Variants in TBL1X observed in about 807,000 individuals in gnomAD.
TBL1X encodes the protein transducin beta like 1 X-linked, also known as F-box-like/WD repeat-containing protein TBL1X.
TBL1X carries 10 observed loss-of-function variants against 50.7 expected under a neutral mutation model. The observed-to-expected ratio is 0.20, with a 90% CI of 0.12 to 0.33. The LOEUF (loss-of-function observed/expected upper bound fraction) is 0.33, where lower values mean the gene tolerates loss of function less well. Among genes scored for constraint, TBL1X ranks in the 10% least tolerant of loss-of-function variants. TBL1X has a pLI of 1.00. For missense variants in TBL1X, 340 were observed against 504.4 expected (o/e 0.67, Z 3.12); for synonymous variants, 190 against 214.7 (o/e 0.88, Z 1.01).
chrX:9,691,482 A>T, intron 7 of TBL1X, 97 bp from the exon 8 acceptor site: 2 of 818,952 alleles, frequency 2.4e-6, no homozygotes, highest in African/African-American at 2.1e-5. Flanking sequence ...GGTAGTATTT[A>T]GTACATAAAA....
chrX:9,633,405 A>G (rs2082730847), intron 2 of TBL1X, among the ~76,000 whole-genome samples: 1 of 111,585 alleles, frequency 9.0e-6, no homozygotes, highest in Non-Finnish European at 1.9e-5. Context: ...TTTAAAAAGA[A>G]AAAAAGATGA....
At chrX:9,579,425 C>T (rs1485855743) in intron 2 of TBL1X, among the ~76,000 whole-genome samples, 4 of 112,001 alleles carry the variant, frequency 3.6e-5, no homozygotes, top group African/African-American at 1.3e-4. Context: ...GTATCAGTGC[C>T]TTACTGATAG....
chrX:9,707,775 C>A, intron 13 of TBL1X, among the ~76,000 whole-genome samples: 1 of 112,017 alleles, frequency 8.9e-6, no homozygotes, highest in Non-Finnish European at 1.9e-5. Flanking sequence ...CAACCCTCAG[C>A]CCCCTCTCCA....
At position 9,540,551 on chromosome X, in the gene TBL1X, G is replaced by A. The variant is rs773059092; in HGVS notation, c.-131+38702G>A. Reference sequence around the variant, plus strand: ...CAAGGGAAGTTAAATTAAAAACTGTGCTTGTTAGCGCGGAGCTGGGACAAC... The same window carrying A: ...CAAGGGAAGTTAAATTAAAAACTGTACTTGTTAGCGCGGAGCTGGGACAAC... On this transcript the variant is annotated intron_variant, in intron 2 of 17. Transcript: ENST00000645353. Among the ~76,000 whole-genome samples the A allele has an allele frequency of 1.2e-4, 14 of 112,700 alleles. No individual in the cohort carries two copies. In the South Asian group the frequency reaches 5.1e-3, roughly 41 times the overall value.
chrX:9,590,832 G>T (rs2082495959), intron 2 of TBL1X, among the ~76,000 whole-genome samples: 1 of 110,797 alleles, frequency 9.0e-6, no homozygotes, highest in Non-Finnish European at 1.9e-5. Flanking sequence ...CTTGAGACTT[G>T]CCATGAGTCT....
At chrX:9,536,633 A>C (rs922925749) in intron 2 of TBL1X, among the ~76,000 whole-genome samples, 6 of 111,594 alleles carry the variant, frequency 5.4e-5, no homozygotes, top group Non-Finnish European at 9.4e-5. Flanking sequence ...TGTCTTGCAC[A>C]GGTAATAATT....
intron 5 of TBL1X, among the ~76,000 whole-genome samples, chrX:9,659,597 C>A (rs894838088): frequency 8.9e-6 from 1 of 112,147 alleles, no homozygotes; most frequent in Non-Finnish European, 1.9e-5. Context: ...TTTGTATGAA[C>A]GCAGGTTTTC....
intron 12 of TBL1X, among the ~76,000 whole-genome samples, chrX:9,702,082 A>G (rs1008043640): frequency 9.0e-6 from 1 of 111,398 alleles, no homozygotes; most frequent in Admixed American, 9.6e-5. Flanking sequence ...AATAGGGGCA[A>G]TTGATGGTTA....
At chrX:9,670,958 A>G (rs1009590552) in intron 5 of TBL1X, among the ~76,000 whole-genome samples, 15 of 112,486 alleles carry the variant, frequency 1.3e-4, no homozygotes, top group Non-Finnish European at 2.4e-4. Context: ...TCATCAAATA[A>G]TAAAATAAGG....
intron 5 of TBL1X, among the ~76,000 whole-genome samples, chrX:9,664,817 GACA>G (rs2082917615): frequency 9.0e-6 from 1 of 111,052 alleles, no homozygotes; most frequent in Non-Finnish European, 1.9e-5. Flanking sequence ...TGGCACTATT[GACA>G]ATGGCGGCTG....
At chrX:9,593,597 A>C (rs2082513208) in intron 2 of TBL1X, among the ~76,000 whole-genome samples, 1 of 109,898 alleles carries the variant, frequency 9.1e-6, no homozygotes, top group Non-Finnish European at 1.9e-5. Context: ...GGCATGCCCT[A>C]CTGTTTGACC....
At chrX:9,581,845 A>G (rs1377694994) in intron 2 of TBL1X, among the ~76,000 whole-genome samples, 1 of 111,972 alleles carries the variant, frequency 8.9e-6, no homozygotes. Flanking sequence ...AGCAAATGAG[A>G]GCTGGAGGCC....
At chrX:9,685,313 C>G (rs1158436796) in intron 6 of TBL1X, among the ~76,000 whole-genome samples, 1 of 111,945 alleles carries the variant, frequency 8.9e-6, no homozygotes, top group African/African-American at 3.3e-5. Flanking sequence ...TTTTTAGAGA[C>G]TGAGTCTCAC....
rs762274722 is a variant in TBL1X, at chrX:9,640,582, AC to A, written c.-43+223del. 2.3e-3 allele frequency among the ~76,000 whole-genome samples: 253 copies of A among 111,529 alleles called. 1 individual carries two copies. Among genetic ancestry groups the A allele is most frequent in the African/African-American group, 7.5e-3 (229 of 30,725 alleles). ...TTCCAAATGAGAAATTTGCCTTTTT[AC>A]TGACTTCTGAGAATTTTGGGTTGTG... On this transcript the variant is annotated intron_variant, in intron 3 of 17. Transcript: ENST00000645353.
At chrX:9,564,749 T>C (rs866677916) in intron 2 of TBL1X, among the ~76,000 whole-genome samples, 1 of 105,967 alleles carries the variant, frequency 9.4e-6, no homozygotes, top group African/African-American at 3.5e-5. Context: ...AAAAAAGAAA[T>C]TTTAGGAGAA....
intron 2 of TBL1X, among the ~76,000 whole-genome samples, chrX:9,516,194 A>G (rs1407534459): frequency 9.0e-6 from 1 of 111,381 alleles, no homozygotes; most frequent in East Asian, 2.8e-4. Flanking sequence ...CCGTGTTGCC[A>G]CAATTAAGAA....
chrX:9,555,930 G>A (rs1331286216), intron 2 of TBL1X, among the ~76,000 whole-genome samples: 1 of 111,501 alleles, frequency 9.0e-6, no homozygotes, highest in Non-Finnish European at 1.9e-5. Context: ...GCTTACACTT[G>A]GAATCCCAGC....
intron 5 of TBL1X, among the ~76,000 whole-genome samples, chrX:9,679,030 C>CT (rs975978728): frequency 4.6e-5 from 5 of 109,349 alleles, no homozygotes; most frequent in South Asian, 3.9e-4. Context: ...TGATTATACT[C>CT]TTTTTTTTCT....
chrX:9,679,208 G>C (rs748213413), intron 5 of TBL1X, among the ~76,000 whole-genome samples: 2 of 108,780 alleles, frequency 1.8e-5, no homozygotes, highest in Non-Finnish European at 3.8e-5. Flanking sequence ...GCCTTTCAGG[G>C]TGTCAATTCC....
Sources: allele counts gnomAD v4.1 joint callset (sites outside exome capture counted in the v4.1 genomes callset), GRCh38; gene constraint gnomAD v4.1.1; transcripts MANE v1.5; gene names NCBI Gene and HGNC (gene_info 2026-07-23, HGNC 2026-07-21).